Variants in FAR2 observed in about 807,000 individuals in gnomAD.
FAR2 encodes the protein epididymis secretory protein Li 81.
In FAR2, 19 loss-of-function variants were observed where a neutral mutation model predicts 56.0. The ratio of observed to expected loss-of-function variants is 0.34; its 90% CI spans 0.24 to 0.50. The LOEUF is 0.50. Ranked by LOEUF, FAR2 falls within the 20% of genes least tolerant of loss-of-function variation. The pLI is 0.98. For synonymous variants in FAR2, 219 were observed against 218.8 expected (o/e 1.00, Z -0.01); for missense variants, 508 against 642.2 (o/e 0.79, Z 2.26).
At chr12:29,299,213 CAAAAAA>C (rs71042981) in intron 4 of FAR2, among the ~76,000 whole-genome samples, 1 of 103,572 alleles carries the variant, frequency 9.7e-6, no homozygotes, top group African/African-American at 3.9e-5. Flanking sequence ...AACTTTGTCT[CAAAAAA>C]AAAAAAAAAA....
intron 1 of FAR2, among the ~76,000 whole-genome samples, chr12:29,200,937 C>G (rs574752658): frequency 8.5e-5 from 13 of 152,212 alleles, no homozygotes; most frequent in Non-Finnish European, 1.8e-4. Context: ...ATAAGCGGCT[C>G]GAACACAGCT....
intron 4 of FAR2, among the ~76,000 whole-genome samples, chr12:29,306,437 C>T (rs921984025): frequency 2.0e-5 from 3 of 152,170 alleles, no homozygotes; most frequent in African/African-American, 7.2e-5. Flanking sequence ...ACATCATGCA[C>T]ATCTTAGCTG....
intron 4 of FAR2, chr12:29,301,702 T>G: frequency 6.6e-6 from 1 of 152,206 alleles, no homozygotes; most frequent in East Asian, 1.9e-4. Context: ...AGGGAGGACA[T>G]GAATCATTAT....
intron 1 of FAR2, among the ~76,000 whole-genome samples, chr12:29,221,504 A>G (rs566195050): frequency 6.6e-5 from 10 of 152,340 alleles, no homozygotes; most frequent in South Asian, 4.1e-4. Context: ...TGCAAATATC[A>G]TAACTATTAA....
chr12:29,332,912 A>C (rs569441861), intron 11 of FAR2, 185 bp downstream of exon 11: 1 of 684,214 alleles, frequency 1.5e-6, no homozygotes, highest in South Asian at 1.5e-5. Flanking sequence ...CTATGAGGCA[A>C]GTATTACTTT....
At chr12:29,158,985 C>G (rs1301717530) in intron 1 of FAR2, among the ~76,000 whole-genome samples, 1 of 152,162 alleles carries the variant, frequency 6.6e-6, no homozygotes, top group Non-Finnish European at 1.5e-5. Context: ...TGAGTACCTA[C>G]TATGTGCCAG....
rs1008487086 is a variant in FAR2, at chr12:29,269,784, C to A, written c.-38-628C>A. On this transcript the variant is annotated intron_variant, in intron 1 of 11. Coordinates refer to ENST00000536681, the MANE Select transcript of FAR2 (RefSeq NM_001271783.2). The stretch of plus-strand genomic sequence containing the variant: ...CAACAATTATTTATTCCAGTATTTT[C>A]TCTAAATAAATCTGAAACTCAAACT... 3.3e-5 allele frequency among the ~76,000 whole-genome samples: 5 copies of A among 152,200 alleles called. 1 individual carries two copies. The East Asian group carries it at 9.6e-4, about 29-fold the overall frequency.
chr12:29,162,376 C>A (rs765093245), intron 1 of FAR2, among the ~76,000 whole-genome samples: 1 of 152,168 alleles, frequency 6.6e-6, no homozygotes. Flanking sequence ...AGTCTGGATG[C>A]CTCAGAATGA....
chr12:29,296,277 T>C (rs1167775587), intron 3 of FAR2, among the ~76,000 whole-genome samples: 2 of 152,210 alleles, frequency 1.3e-5, no homozygotes, highest in African/African-American at 4.8e-5. Context: ...AGTAGTAGTG[T>C]GATTGTAGGC....
At chr12:29,251,541 C>A (rs1203190329) in intron 1 of FAR2, among the ~76,000 whole-genome samples, 3 of 152,102 alleles carry the variant, frequency 2.0e-5, no homozygotes, top group Non-Finnish European at 2.9e-5. Flanking sequence ...TCACAGTAGA[C>A]CCAGTGAGAC....
intron 1 of FAR2, among the ~76,000 whole-genome samples, chr12:29,233,149 T>G (rs1245661935): frequency 6.6e-6 from 1 of 152,140 alleles, no homozygotes; most frequent in Non-Finnish European, 1.5e-5. Context: ...ACCATTTTCT[T>G]AAACCATACA....
intron 1 of FAR2, among the ~76,000 whole-genome samples, chr12:29,237,620 A>G (rs569429178): frequency 6.6e-5 from 10 of 152,332 alleles, no homozygotes; most frequent in Non-Finnish European, 1.2e-4. Flanking sequence ...AACTAGGTGA[A>G]TCTTTTCATG....
intron 1 of FAR2, among the ~76,000 whole-genome samples, chr12:29,246,404 C>T (rs1326680385): frequency 2.0e-5 from 3 of 152,126 alleles, no homozygotes; most frequent in Non-Finnish European, 2.9e-5. Context: ...TGGAGGCAGG[C>T]CCTCAGAAAA....
At chr12:29,309,288 A>C in intron 6 of FAR2, 58 bp downstream of exon 6, 2 of 1,303,264 alleles carry the variant, frequency 1.5e-6, no homozygotes, top group Non-Finnish European at 2.2e-6. Flanking sequence ...TAGTAACAAA[A>C]TTCTTAGTGC....
intron 1 of FAR2, among the ~76,000 whole-genome samples, chr12:29,241,418 T>C (rs1206694080): frequency 6.6e-6 from 1 of 152,194 alleles, no homozygotes; most frequent in Non-Finnish European, 1.5e-5. Flanking sequence ...TTTAGATTGA[T>C]CTAGTTATTC....
rs75050228 is a variant in FAR2, at chr12:29,237,708, C to T, written c.-38-32704C>T. 5.0e-3 allele frequency among the ~76,000 whole-genome samples: 764 copies of T among 152,152 alleles called. 27 individuals are homozygous for T. In the East Asian group the frequency reaches 0.072, roughly 14 times the overall value. ...TCTGGGTATTTGGCAGACATTTTCTCAAAATAAAGTATGCGAACCTGTCAC... is the reference window on the plus strand; with the variant it reads ...TCTGGGTATTTGGCAGACATTTTCTTAAAATAAAGTATGCGAACCTGTCAC... On this transcript the variant is annotated intron_variant, in intron 1 of 11. Coordinates refer to ENST00000536681, the MANE Select transcript of FAR2 (RefSeq NM_001271783.2).
At chr12:29,207,614 C>A (rs1376435266) in intron 1 of FAR2, among the ~76,000 whole-genome samples, 1 of 151,798 alleles carries the variant, frequency 6.6e-6, no homozygotes, top group Non-Finnish European at 1.5e-5. Context: ...CTCTTTTTCC[C>A]TTTTTTGAAG....
intron 1 of FAR2, among the ~76,000 whole-genome samples, chr12:29,202,730 T>G (rs1285393455): frequency 6.6e-6 from 1 of 152,178 alleles, no homozygotes; most frequent in Non-Finnish European, 1.5e-5. Context: ...TCCCTCTCTT[T>G]TGCTCCCTCT....
chr12:29,284,658 C>T (rs1431540253), intron 2 of FAR2, among the ~76,000 whole-genome samples: 1 of 152,112 alleles, frequency 6.6e-6, no homozygotes, highest in Non-Finnish European at 1.5e-5. Flanking sequence ...TTATTGAATC[C>T]TTTTGAGACT....
Sources: gnomAD v4.1 joint callset for allele counts (sites outside exome capture counted in the v4.1 genomes callset) on GRCh38, gnomAD v4.1.1 for gene constraint, MANE v1.5 for transcripts, NCBI Gene and HGNC (gene_info 2026-07-23, HGNC 2026-07-21) for gene names.